Variants in ANK1 observed in about 807,000 individuals in gnomAD.
ANK1 encodes ankyrin 1, also known as ankyrin-1.
ANK1 carries 51 observed loss-of-function variants against 210.4 expected under a neutral mutation model. The ratio of observed to expected loss-of-function variants is 0.24; its 90% CI spans 0.19 to 0.31. The LOEUF (loss-of-function observed/expected upper bound fraction) is 0.31, where lower values mean the gene tolerates loss of function less well. Ranked by LOEUF, ANK1 falls within the 10% of genes least tolerant of loss-of-function variation. The pLI, the probability that ANK1 is intolerant of heterozygous loss-of-function variation, is 1.00. For missense variants in ANK1, 2,051 were observed against 2,504.4 expected, an observed-to-expected ratio of 0.82 and a Z score of 3.86; for synonymous variants, 967 against 1,025.9, an observed-to-expected ratio of 0.94 and a Z score of 1.10.
chr8:41,766,997 C>T (rs1194024811), intron 1 of ANK1, among the ~76,000 whole-genome samples: 3 of 152,176 alleles, frequency 2.0e-5, no homozygotes, highest in Admixed American at 1.3e-4. Flanking sequence ...TGGCCTCGGC[C>T]AGGGCCCGGC....
chr8:41,710,614 A>T (rs1307127345), intron 16 of ANK1, among the ~76,000 whole-genome samples: 1 of 152,244 alleles, frequency 6.6e-6, no homozygotes, highest in African/African-American at 2.4e-5. Context: ...GGTTAAGGGC[A>T]ATGCCAGGCT....
chr8:41,881,203 C>A lies in ANK1; in HGVS notation c.126+15152G>T, dbSNP rs147665578. ...GCTGTGTCTTCTAGTCTAGTCCAGA[C>A]TAGAAGCTGGACTAGAAGCTCTTTG... On this transcript the variant is annotated intron_variant, in intron 1 of 42. Coordinates refer to the ANK1 transcript ENST00000265709. Among the ~76,000 whole-genome samples, 870 of 152,330 alleles carry A rather than the reference C, an allele frequency of 5.7e-3. 9 individuals carry two copies. The highest frequency in any genetic ancestry group is 0.01 in the Non-Finnish European group (685 of 68,036).
Position 41,717,676 on chromosome 8 carries a change from G to A in ANK1, c.1233C>T (p.Ala411=), listed in dbSNP as rs999086887. The change falls in exon 12 of 43, where the codon GCC becomes GCT. Residue 411 remains alanine (A), a synonymous_variant. Transcript: ENST00000289734. Reference sequence around the variant, plus strand: ...CGATGGGAAGGTGCCCCATGAAGGAGGCCACGTGGAGAGGTGTCAGGCCAG... The same window carrying A: ...CGATGGGAAGGTGCCCCATGAAGGAAGCCACGTGGAGAGGTGTCAGGCCAG... The part of the protein sequence containing the change: ...TESGLTPLHV[A]SFMGHLPIVK... The A allele has an allele frequency of 6.4e-7, 1 of 1,551,712 alleles. No individual in the cohort carries two copies. The highest frequency in any genetic ancestry group is 1.4e-5 in the African/African-American group (1 of 73,176).
chr8:41,836,462 C>CT (rs2150801467), intron 1 of ANK1, among the ~76,000 whole-genome samples: 1 of 152,344 alleles, frequency 6.6e-6, no homozygotes, highest in South Asian at 2.1e-4. Context: ...TGAGCACAGC[C>CT]GTGCTGGGCC....
chr8:41,777,549 T>C (rs922973484), intron 1 of ANK1, among the ~76,000 whole-genome samples: 2 of 152,102 alleles, frequency 1.3e-5, no homozygotes, highest in African/African-American at 4.8e-5. Flanking sequence ...CACTCCAGCC[T>C]GGGCCCTGGG....
intron 1 of ANK1, among the ~76,000 whole-genome samples, chr8:41,859,144 GAGACCC>G (rs1812769625): frequency 6.6e-6 from 1 of 152,208 alleles, no homozygotes. Context: ...CGGGGTCTCT[GAGACCC>G]CATGGTGCAG....
chr8:41,780,532 C>T (rs574664576), intron 1 of ANK1, among the ~76,000 whole-genome samples: 24 of 152,270 alleles, frequency 1.6e-4, no homozygotes, highest in Non-Finnish European at 2.5e-4. Flanking sequence ...GGGGAGGGGA[C>T]GCTTCTCCCT....
intron 2 of ANK1, among the ~76,000 whole-genome samples, chr8:41,752,800 C>CCCCT (rs1385557395): frequency 1.3e-5 from 2 of 151,434 alleles, no homozygotes; most frequent in Non-Finnish European, 3.0e-5. Flanking sequence ...ACACACAGGC[C>CCCCT]CCCCCCCACT....
At chr8:41,887,452 T>A (rs2150835336) in intron 1 of ANK1, among the ~76,000 whole-genome samples, 1 of 152,218 alleles carries the variant, frequency 6.6e-6, no homozygotes, top group East Asian at 1.9e-4. Flanking sequence ...AGAGACAGGG[T>A]CTTGCTGTGT....
At chr8:41,699,300 G>T in intron 23 of ANK1, 152 bp downstream of exon 23, 1 of 763,206 alleles carries the variant, frequency 1.3e-6, no homozygotes, top group Non-Finnish European at 2.3e-6. Context: ...AGGGTGCAGA[G>T]CTAGCTCATC....
rs17661275 is a variant in ANK1 at position 41,725,684 on chromosome 8, G to A, written c.612+77C>T. ...CACGCTCGGTTCTCCTGCCTGGGAA[G>A]TCGCTGGGCGTGCGCGGTGCCCCCT... On this transcript the variant is annotated intron_variant, in intron 6 of 42. Transcript: ENST00000289734. 73,909 of 1,541,670 alleles carry A rather than the reference G, an allele frequency of 0.048. 2,028 individuals are homozygous for A. Among genetic ancestry groups the A allele is most frequent in the Admixed American group, 0.057 (2,999 of 52,900 alleles).
chr8:41,757,443 C>T (rs2150711987), intron 2 of ANK1, among the ~76,000 whole-genome samples: 1 of 152,300 alleles, frequency 6.6e-6, no homozygotes, highest in South Asian at 2.1e-4. Context: ...GGCTCCAAGC[C>T]CGAGTCTCTG....
intron 37 of ANK1, among the ~76,000 whole-genome samples, chr8:41,676,796 A>C (rs978742553): frequency 6.6e-6 from 1 of 152,230 alleles, no homozygotes; most frequent in Admixed American, 6.5e-5. Flanking sequence ...GATTTTTTGC[A>C]TAAATGTTCA....
intron 1 of ANK1, among the ~76,000 whole-genome samples, chr8:41,862,254 C>T (rs1049782259): frequency 2.0e-5 from 3 of 152,074 alleles, no homozygotes; most frequent in South Asian, 2.1e-4. Context: ...AGGCTGAGGA[C>T]GAGTTATTTA....
chr8:41,865,079 A>G (rs1402940628), intron 1 of ANK1, among the ~76,000 whole-genome samples: 1 of 152,208 alleles, frequency 6.6e-6, no homozygotes, highest in South Asian at 2.1e-4. Context: ...GCGAGCATCC[A>G]GTGTGTGGCG....
intron 10 of ANK1, among the ~76,000 whole-genome samples, chr8:41,719,041 C>A (rs1828512386): frequency 6.6e-6 from 1 of 152,202 alleles, no homozygotes; most frequent in Non-Finnish European, 1.5e-5. Context: ...ATATCCTGCC[C>A]CTCAGTTCTG....
chr8:41,867,107 C>A (rs28471026), intron 1 of ANK1, among the ~76,000 whole-genome samples: 2,829 of 152,264 alleles, frequency 0.019, 87 homozygotes, highest in African/African-American at 0.064. Flanking sequence ...GAGGTACAGA[C>A]CCCAACGCTG....
chr8:41,810,591 C>A (rs1465662798), intron 1 of ANK1, among the ~76,000 whole-genome samples: 1 of 152,260 alleles, frequency 6.6e-6, no homozygotes, highest in Non-Finnish European at 1.5e-5. Flanking sequence ...TCGGGCCACA[C>A]AGGAGCAGAG....
At chr8:41,791,852 TG>T (rs1354770249) in intron 1 of ANK1, among the ~76,000 whole-genome samples, 12 of 152,040 alleles carry the variant, frequency 7.9e-5, no homozygotes, top group South Asian at 2.1e-4. Context: ...CCAGACACCA[TG>T]GGGGGCCCAG....
Sources: allele counts gnomAD v4.1 joint callset (sites outside exome capture counted in the v4.1 genomes callset), GRCh38; gene constraint gnomAD v4.1.1; transcripts MANE v1.5; gene names NCBI Gene and HGNC (gene_info 2026-07-23, HGNC 2026-07-21).